The following TPRG1 variants were observed in gnomAD, a reference collection of about 807,000 sequenced individuals.
TPRG1 encodes the protein tumor protein p63-regulated gene 1 protein.
Under a neutral mutation model 29.3 loss-of-function variants are expected in TPRG1, and 29 were observed. The ratio of observed to expected loss-of-function variants is 0.99; its 90% CI spans 0.74 to 1.35. The LOEUF (loss-of-function observed/expected upper bound fraction) is 1.35. Among genes scored for constraint, TPRG1 ranks in the 40% most tolerant of loss-of-function variants. The pLI is 0.00. For missense variants in TPRG1, 327 were observed against 335.0 expected (o/e 0.98, Z 0.19); for synonymous variants, 130 against 116.8 (o/e 1.11, Z -0.73).
At chr3:189,056,067 TC>T (rs1715666898) in intron 4 of TPRG1, among the ~76,000 whole-genome samples, 2 of 130,142 alleles carry the variant, frequency 1.5e-5, no homozygotes, top group Non-Finnish European at 3.3e-5. Flanking sequence ...CTTCCTTCCT[TC>T]CTTCCTTCCT....
chr3:189,000,203 T>G (rs1174005788), intron 1 of TPRG1, among the ~76,000 whole-genome samples: 4 of 152,166 alleles, frequency 2.6e-5, no homozygotes, highest in African/African-American at 9.6e-5. Flanking sequence ...TTTGTAGCAG[T>G]GTTTACCTGC....
At chr3:189,172,408 G>A (rs1445031301) in intron 1 of TPRG1, among the ~76,000 whole-genome samples, 1 of 152,118 alleles carries the variant, frequency 6.6e-6, no homozygotes, top group Non-Finnish European at 1.5e-5. Flanking sequence ...TAGTGCAGTA[G>A]GATGGGTATA....
intron 4 of TPRG1, among the ~76,000 whole-genome samples, chr3:189,308,966 A>G (rs1488522528): frequency 6.6e-6 from 1 of 151,540 alleles, no homozygotes; most frequent in East Asian, 1.9e-4. Flanking sequence ...GGGAGAAAGA[A>G]AACTTTAGAG....
Position 189,161,585 on chromosome 3 carries a change from G to T in TPRG1, c.-10+10713G>T, listed in dbSNP as rs192240773. Among the ~76,000 whole-genome samples the T allele has an allele frequency of 1.6e-3, 247 of 152,134 alleles. 2 individuals are homozygous for T. Among genetic ancestry groups the T allele is most frequent in the Non-Finnish European group, 2.6e-3 (178 of 68,012 alleles). On this transcript the variant is annotated intron_variant, in intron 5 of 6. Coordinates refer to the TPRG1 transcript ENST00000412373. ...TCAGGCCCAAAAGCCTGGCAGTAGG[G>T]TCTAAAGAAAATGATTGTGCCCACA...
chr3:189,203,339 T>C (rs1243943251), intron 1 of TPRG1, among the ~76,000 whole-genome samples: 1 of 152,190 alleles, frequency 6.6e-6, no homozygotes, highest in Non-Finnish European at 1.5e-5. Context: ...TTTGGGATTT[T>C]TTTTTTAATG....
At chr3:189,249,881 A>G (rs1161746262) in intron 4 of TPRG1, among the ~76,000 whole-genome samples, 1 of 152,066 alleles carries the variant, frequency 6.6e-6, no homozygotes, top group East Asian at 1.9e-4. Context: ...AATGGTCATT[A>G]TTAGTTACTT....
intron 5 of TPRG1, among the ~76,000 whole-genome samples, chr3:189,311,326 ATATTCTGTCATTC>A (rs1722448198): frequency 6.6e-6 from 1 of 152,186 alleles, no homozygotes; most frequent in African/African-American, 2.4e-5. Context: ...GTTTACTTTT[ATATTCTGTCATTC>A]ATTTCAGAAT....
intron 1 of TPRG1, among the ~76,000 whole-genome samples, chr3:189,112,199 TGC>T (rs1343977735): frequency 6.6e-6 from 1 of 152,186 alleles, no homozygotes; most frequent in Non-Finnish European, 1.5e-5. Flanking sequence ...GAATTTTATT[TGC>T]TAGTACTTTG....
intron 3 of TPRG1, among the ~76,000 whole-genome samples, chr3:189,225,083 C>T (rs1306548994): frequency 6.6e-6 from 1 of 152,136 alleles, no homozygotes; most frequent in Non-Finnish European, 1.5e-5. Context: ...AGGCGCCCGC[C>T]ACCACGCCTG....
chr3:189,074,664 A>C lies in TPRG1; in HGVS notation c.-463+50718A>C, dbSNP rs890016143. 2.6e-5 allele frequency among the ~76,000 whole-genome samples: 4 copies of C among 151,714 alleles called. No individual in the cohort carries two copies. The East Asian group carries it at 7.7e-4, about 29-fold the overall frequency. ...TTTCTTTAACTGTGTTCTTTTATTG[A>C]TCAACTATGCTTATTTATTGATCTT... On this transcript the variant is annotated intron_variant, in intron 4 of 10. Transcript: ENST00000433971.
intron 5 of TPRG1, among the ~76,000 whole-genome samples, chr3:189,166,447 C>T (rs1728177359): frequency 6.6e-6 from 1 of 152,196 alleles, no homozygotes; most frequent in South Asian, 2.1e-4. Context: ...ACTTTGAGCA[C>T]GTCCAAACTG....
intron 4 of TPRG1, among the ~76,000 whole-genome samples, chr3:189,062,918 T>A (rs1716209402): frequency 6.6e-6 from 1 of 151,892 alleles, no homozygotes; most frequent in Admixed American, 6.6e-5. Context: ...TACCAACATA[T>A]CAAAAATTAT....
intron 4 of TPRG1, among the ~76,000 whole-genome samples, chr3:189,069,349 A>G (rs1007768545): frequency 2.6e-5 from 4 of 152,214 alleles, no homozygotes; most frequent in Admixed American, 1.3e-4. Context: ...GGATAAAGGT[A>G]GGAGTGGGCC....
chr3:189,110,265 G>A (rs1471766709), intron 1 of TPRG1, among the ~76,000 whole-genome samples: 1 of 152,132 alleles, frequency 6.6e-6, no homozygotes. Context: ...ACCTTATATT[G>A]CCAGTTTAAA....
At chr3:189,126,248 A>G (rs1722474642) in intron 1 of TPRG1, among the ~76,000 whole-genome samples, 1 of 152,150 alleles carries the variant, frequency 6.6e-6, no homozygotes, top group African/African-American at 2.4e-5. Context: ...AGATACATGG[A>G]GGGTAGAGCT....
At chr3:189,228,287 A>G (rs1180134274) in intron 3 of TPRG1, among the ~76,000 whole-genome samples, 2 of 152,206 alleles carry the variant, frequency 1.3e-5, no homozygotes, top group African/African-American at 2.4e-5. Context: ...TGAAGCCAGT[A>G]TAACCTGATA....
At chr3:189,286,559 A>T in intron 4 of TPRG1, among the ~76,000 whole-genome samples, 1 of 152,230 alleles carries the variant, frequency 6.6e-6, no homozygotes, top group Non-Finnish European at 1.5e-5. Context: ...AGCAGGATCA[A>T]TCAGATTCTC....
chr3:189,278,138 C>T (rs1489448277), intron 4 of TPRG1, among the ~76,000 whole-genome samples: 3 of 152,178 alleles, frequency 2.0e-5, no homozygotes, highest in African/African-American at 7.2e-5. Flanking sequence ...TCCACATGCC[C>T]TTTGTTGCTT....
At chr3:189,062,411 C>T (rs1716174183) in intron 4 of TPRG1, among the ~76,000 whole-genome samples, 1 of 151,784 alleles carries the variant, frequency 6.6e-6, no homozygotes, top group Non-Finnish European at 1.5e-5. Flanking sequence ...ATATGTCAAA[C>T]CTGAATATGT....
Sources: gnomAD v4.1 joint callset for allele counts (sites outside exome capture counted in the v4.1 genomes callset) on GRCh38, gnomAD v4.1.1 for gene constraint, MANE v1.5 for transcripts, NCBI Gene and HGNC (gene_info 2026-07-23, HGNC 2026-07-21) for gene names.